Variants in FHIT observed in about 807,000 individuals in gnomAD.
The protein encoded by FHIT is bis(5'-adenosyl)-triphosphatase.
A neutral mutation model predicts 17.9 loss-of-function variants in FHIT; 19 were observed. That is an observed-to-expected ratio of 1.06 (90% CI 0.74 to 1.56). The LOEUF is 1.56. Ranked by LOEUF, FHIT falls within the 40% of genes most tolerant of loss-of-function variation. FHIT has a pLI of 0.00. For missense variants in FHIT, 248 were observed against 189.2 expected (o/e 1.31, Z -1.82); for synonymous variants, 81 against 69.7 (o/e 1.16, Z -0.81).
chr3:60,672,874 C>CTTGTGTGTGTGTGT (rs71092628), intron 4 of FHIT, among the ~76,000 whole-genome samples: 5 of 139,566 alleles, frequency 3.6e-5, no homozygotes, highest in East Asian at 4.3e-4. Flanking sequence ...CTCTTTGTAG[C>CTTGTGTGTGTGTGT]GTGTGTGTGT....
At chr3:61,188,691 C>T (rs866907635) in intron 2 of FHIT, among the ~76,000 whole-genome samples, 1 of 152,124 alleles carries the variant, frequency 6.6e-6, no homozygotes, top group Non-Finnish European at 1.5e-5. Flanking sequence ...CAATAAAATA[C>T]TGGCAAACCG....
chr3:60,123,989 TATATATATATATATATATATAG>T (rs1559653415), intron 5 of FHIT, among the ~76,000 whole-genome samples: 2 of 50,152 alleles, frequency 4.0e-5, no homozygotes, highest in Admixed American at 2.3e-4. Flanking sequence ...TATATATATA[TATATATATATATATATATATAG>T]AGAGAGAGAG....
At chr3:60,708,796 G>C (rs1016942464) in intron 4 of FHIT, among the ~76,000 whole-genome samples, 2 of 152,172 alleles carry the variant, frequency 1.3e-5, no homozygotes, top group South Asian at 4.1e-4. Flanking sequence ...AAATGTTTTT[G>C]TGGACAAAAG....
At chr3:59,836,821 A>T (rs746526783) in intron 8 of FHIT, among the ~76,000 whole-genome samples, 2 of 152,118 alleles carry the variant, frequency 1.3e-5, no homozygotes, top group Non-Finnish European at 2.9e-5. Context: ...ACTGGGCTGG[A>T]GGGGCCCGAA....
chr3:60,611,427 A>C (rs1559580399), intron 4 of FHIT, among the ~76,000 whole-genome samples: 2 of 152,210 alleles, frequency 1.3e-5, no homozygotes, highest in African/African-American at 4.8e-5. Context: ...TATAACCTAC[A>C]GCTCAAGGTC....
chr3:59,759,186 A>AAGAG (rs1701373897), intron 8 of FHIT, among the ~76,000 whole-genome samples: 1 of 152,074 alleles, frequency 6.6e-6, no homozygotes, highest in South Asian at 2.1e-4. Context: ...AACAGGCTGG[A>AAGAG]AGAGTGAGAG....
At chr3:60,222,051 T>G (rs1270974461) in intron 5 of FHIT, among the ~76,000 whole-genome samples, 1 of 152,116 alleles carries the variant, frequency 6.6e-6, no homozygotes, top group Non-Finnish European at 1.5e-5. Flanking sequence ...TGGTAGGCAG[T>G]AAGTGCTCAA....
chr3:59,982,923 C>A (rs6805337), intron 7 of FHIT, among the ~76,000 whole-genome samples: 6 of 151,782 alleles, frequency 4.0e-5, no homozygotes, highest in Admixed American at 6.6e-5. Flanking sequence ...AGATGAAGTC[C>A]TATGCATCGT....
chr3:60,000,686 T>TA (rs11323557), intron 7 of FHIT, among the ~76,000 whole-genome samples: 19 of 150,148 alleles, frequency 1.3e-4, no homozygotes, highest in African/African-American at 3.4e-4. Flanking sequence ...GCTTAGAAAC[T>TA]AAAAAAAAAA....
chr3:60,091,793 T>A (rs528217866), intron 5 of FHIT, among the ~76,000 whole-genome samples: 23 of 152,248 alleles, frequency 1.5e-4, no homozygotes, highest in African/African-American at 5.3e-4. Flanking sequence ...ATGAGATGCC[T>A]CACTCCCCCT....
intron 4 of FHIT, among the ~76,000 whole-genome samples, chr3:60,635,632 T>G (rs1553683629): frequency 6.6e-6 from 1 of 152,230 alleles, no homozygotes; most frequent in Non-Finnish European, 1.5e-5. Flanking sequence ...ATTTGCTGCC[T>G]GGCTGACTCT....
intron 5 of FHIT, among the ~76,000 whole-genome samples, chr3:60,157,069 C>A (rs1700732910): frequency 6.6e-6 from 1 of 151,936 alleles, no homozygotes; most frequent in Non-Finnish European, 1.5e-5. Flanking sequence ...AATCAATACT[C>A]ATTTATAATC....
intron 3 of FHIT, among the ~76,000 whole-genome samples, chr3:60,933,181 G>A (rs571557110): frequency 3.8e-4 from 58 of 152,250 alleles, no homozygotes; most frequent in Admixed American, 1.0e-3. Context: ...AAAGTTGTGT[G>A]TAGAATAACT....
intron 8 of FHIT, among the ~76,000 whole-genome samples, chr3:59,906,318 T>C (rs1704582797): frequency 6.6e-6 from 1 of 152,218 alleles, no homozygotes; most frequent in Non-Finnish European, 1.5e-5. Flanking sequence ...TCTTTTCAAG[T>C]TGGGGCTTCT....
chr3:60,272,580 G>A (rs922143271), intron 5 of FHIT, among the ~76,000 whole-genome samples: 4 of 152,118 alleles, frequency 2.6e-5, no homozygotes, highest in East Asian at 1.9e-4. Flanking sequence ...GGGACAAACC[G>A]AGGACTCCCA....
chr3:60,594,958 A>G (rs2038210325), intron 4 of FHIT, among the ~76,000 whole-genome samples: 1 of 151,808 alleles, frequency 6.6e-6, no homozygotes, highest in South Asian at 2.1e-4. Flanking sequence ...CATTATTTCT[A>G]TTCCTTCTTC....
chr3:60,888,709 A>T (rs1377904288), intron 3 of FHIT, among the ~76,000 whole-genome samples: 1 of 152,240 alleles, frequency 6.6e-6, no homozygotes, highest in African/African-American at 2.4e-5. Flanking sequence ...TTCAATAGGC[A>T]TAATGTCCAT....
At chr3:60,037,707 G>A (rs553147361) in intron 5 of FHIT, among the ~76,000 whole-genome samples, 1 of 135,988 alleles carries the variant, frequency 7.4e-6, no homozygotes, top group South Asian at 2.4e-4. Flanking sequence ...CTTAAAATTT[G>A]TACTCAGAAC....
At chr3:60,603,143 T>A (rs2038498479) in intron 4 of FHIT, among the ~76,000 whole-genome samples, 2 of 152,266 alleles carry the variant, frequency 1.3e-5, no homozygotes, top group Admixed American at 1.3e-4. Flanking sequence ...TCTCTCCTAG[T>A]GAATAACATC....
Sources: gnomAD v4.1 joint callset for allele counts (sites outside exome capture counted in the v4.1 genomes callset) on GRCh38, gnomAD v4.1.1 for gene constraint, MANE v1.5 for transcripts, NCBI Gene and HGNC (gene_info 2026-07-23, HGNC 2026-07-21) for gene names.